SPTLC3: variants seen among roughly 807,000 people sequenced by gnomAD.
SPTLC3 encodes the protein serine palmitoyltransferase long chain base subunit 3, also known as serine palmitoyltransferase 3.
SPTLC3 carries 36 observed loss-of-function variants against 59.3 expected under a neutral mutation model. The ratio of observed to expected loss-of-function variants is 0.61; its 90% CI spans 0.47 to 0.80. SPTLC3 has a LOEUF of 0.80. Ranked by LOEUF, SPTLC3 falls within the 30% of genes least tolerant of loss-of-function variation. The pLI is 0.00. For synonymous variants in SPTLC3, 257 were observed against 240.8 expected, an observed-to-expected ratio of 1.07 and a Z score of -0.62; for missense variants, 625 against 685.1, an observed-to-expected ratio of 0.91 and a Z score of 0.98.
chr20:13,043,735 G>A (rs914855078), intron 1 of SPTLC3, among the ~76,000 whole-genome samples: 1 of 152,038 alleles, frequency 6.6e-6, no homozygotes, highest in Non-Finnish European at 1.5e-5. Flanking sequence ...TGCAAAATAA[G>A]CAACTCCCCT....
At chr20:13,029,002 T>C (rs1476990695) in intron 1 of SPTLC3, among the ~76,000 whole-genome samples, 4 of 152,232 alleles carry the variant, frequency 2.6e-5, no homozygotes, top group East Asian at 3.8e-4. Flanking sequence ...TGTAACACTG[T>C]ACTCCCTTAC....
chr20:13,074,158 A>G (rs754440382), intron 3 of SPTLC3, 191 bp from the exon 4 acceptor site: 19 of 802,900 alleles, frequency 2.4e-5, no homozygotes, highest in Non-Finnish European at 3.9e-5. Context: ...CCTCCGAGGG[A>G]AACCAACCTC....
At chr20:13,065,269 T>G (rs933779076) in intron 2 of SPTLC3, among the ~76,000 whole-genome samples, 23 of 151,534 alleles carry the variant, frequency 1.5e-4, no homozygotes, top group Non-Finnish European at 2.1e-4. Context: ...GTTAGAGTTT[T>G]TTTTTTTTTT....
At position 13,091,178 on chromosome 20, in the gene SPTLC3, T is replaced by A. The variant is rs1989201800; in HGVS notation, c.703T>A (p.Ser235Thr). Reference sequence around the variant, plus strand: ...CTTTGGGATGGGATTCGCAACTAACTCAATGAATATCCCAGCATTAGTTGG... The same window carrying A: ...CTTTGGGATGGGATTCGCAACTAACACAATGAATATCCCAGCATTAGTTGG... ...MVFGMGFATNSMNIPALVGKG... is the reference protein window; with the variant it reads ...MVFGMGFATNTMNIPALVGKG... Residue 235 changes from serine (S) to threonine (T), a missense_variant, in exon 5 of 12, where the codon TCA (serine) becomes ACA (threonine). Coordinates refer to ENST00000399002, the MANE Select transcript of SPTLC3 (RefSeq NM_018327.4). The A allele has an allele frequency of 1.2e-6, 2 of 1,613,900 alleles. No individual in the cohort carries two copies. The highest frequency in any genetic ancestry group is 4.5e-5 in the East Asian group (2 of 44,856).
At chr20:13,121,943 A>C (rs1483774310) in intron 8 of SPTLC3, among the ~76,000 whole-genome samples, 1 of 152,240 alleles carries the variant, frequency 6.6e-6, no homozygotes, top group Non-Finnish European at 1.5e-5. Flanking sequence ...CAATCTGTGA[A>C]TTAGGGTTGG....
In SPTLC3 at chr20:13,027,350, A is replaced by G. The variant is rs189533339; in HGVS notation, c.117+17966A>G. Reference sequence around the variant, plus strand: ...CCCTCAGTCATCCAGGAAGTGATCCAGTGCTGTGAAGCAGATAAACAAATG... The same window carrying G: ...CCCTCAGTCATCCAGGAAGTGATCCGGTGCTGTGAAGCAGATAAACAAATG... On this transcript the variant is annotated intron_variant, in intron 1 of 11. Coordinates refer to ENST00000399002, the MANE Select transcript of SPTLC3 (RefSeq NM_018327.4). Among the ~76,000 whole-genome samples, 3 of 152,308 alleles carry G rather than the reference A, an allele frequency of 2.0e-5. No individual in the cohort carries two copies. In the East Asian group the frequency reaches 5.8e-4, roughly 29 times the overall value.
chr20:13,148,159 T>G (rs2038558756), intron 9 of SPTLC3, among the ~76,000 whole-genome samples: 1 of 152,200 alleles, frequency 6.6e-6, no homozygotes. Flanking sequence ...CTAAACATAT[T>G]TTTGGAAATG....
At chr20:13,016,145 A>C (rs1985518979) in intron 1 of SPTLC3, among the ~76,000 whole-genome samples, 3 of 152,096 alleles carry the variant, frequency 2.0e-5, no homozygotes, top group African/African-American at 7.2e-5. Context: ...AGGGAAATAC[A>C]ATTTGAAATA....
At chr20:13,119,736 T>G (rs1990795638) in intron 8 of SPTLC3, among the ~76,000 whole-genome samples, 1 of 152,182 alleles carries the variant, frequency 6.6e-6, no homozygotes, top group African/African-American at 2.4e-5. Context: ...CTGGCAGAGA[T>G]TCGTTAGCCT....
chr20:13,017,376 C>T (rs933350972), intron 1 of SPTLC3, among the ~76,000 whole-genome samples: 5 of 152,270 alleles, frequency 3.3e-5, no homozygotes, highest in Middle Eastern at 3.4e-3. Flanking sequence ...TGTGGACTCA[C>T]ACTTAGCCCC....
intron 9 of SPTLC3, among the ~76,000 whole-genome samples, chr20:13,136,597 C>G (rs114797425): frequency 0.023 from 2,812 of 124,830 alleles, 32 homozygotes; most frequent in South Asian, 0.039. Context: ...GAGACCTCAT[C>G]TAAAAACATA....
chr20:13,134,873 C>G (rs2038207346), intron 9 of SPTLC3, among the ~76,000 whole-genome samples: 1 of 152,168 alleles, frequency 6.6e-6, no homozygotes, highest in African/African-American at 2.4e-5. Flanking sequence ...TGTGTTTAAA[C>G]CAAAACATCA....
At chr20:13,151,307 T>C (rs1433580562) in intron 9 of SPTLC3, among the ~76,000 whole-genome samples, 1 of 152,254 alleles carries the variant, frequency 6.6e-6, no homozygotes, top group Non-Finnish European at 1.5e-5. Context: ...TTAATTTATA[T>C]TTATTGTCTC....
At chr20:13,052,582 C>T (rs1987542454) in intron 2 of SPTLC3, among the ~76,000 whole-genome samples, 1 of 152,084 alleles carries the variant, frequency 6.6e-6, no homozygotes, top group African/African-American at 2.4e-5. Context: ...GCCAGGGAAC[C>T]AAGTGGTCTA....
At chr20:13,149,795 G>T (rs2038602079) in intron 9 of SPTLC3, among the ~76,000 whole-genome samples, 1 of 152,336 alleles carries the variant, frequency 6.6e-6, no homozygotes, top group East Asian at 1.9e-4. Context: ...AGTTTCTTGG[G>T]TTAATCAAGG....
chr20:13,136,682 T>G (rs1372972830), intron 9 of SPTLC3, among the ~76,000 whole-genome samples: 1 of 147,392 alleles, frequency 6.8e-6, no homozygotes, highest in East Asian at 1.9e-4. Context: ...TATACTTATA[T>G]AGTATATAAA....
At chr20:13,089,809 A>AG (rs1268672548) in intron 4 of SPTLC3, among the ~76,000 whole-genome samples, 1 of 151,216 alleles carries the variant, frequency 6.6e-6, no homozygotes, top group African/African-American at 2.4e-5. Context: ...AAAAAACAAA[A>AG]CAATGTGCTA....
At chr20:13,060,526 T>A (rs529010669) in intron 2 of SPTLC3, among the ~76,000 whole-genome samples, 1 of 152,132 alleles carries the variant, frequency 6.6e-6, no homozygotes, top group Admixed American at 6.6e-5. Context: ...TGGTGAAGTA[T>A]AGGCTTTTTG....
At chr20:13,039,162 C>A (rs1275692409) in intron 1 of SPTLC3, among the ~76,000 whole-genome samples, 17 of 151,936 alleles carry the variant, frequency 1.1e-4, no homozygotes, top group Non-Finnish European at 2.9e-5. Flanking sequence ...TTGTTCAAGT[C>A]TTCTATTTTC....
Sources: allele counts gnomAD v4.1 joint callset (sites outside exome capture counted in the v4.1 genomes callset), GRCh38; gene constraint gnomAD v4.1.1; transcripts MANE v1.5; gene names NCBI Gene and HGNC (gene_info 2026-07-23, HGNC 2026-07-21).